The following KANK3 variants were observed in gnomAD, a reference collection of about 807,000 sequenced individuals.
The protein encoded by KANK3 is KN motif and ankyrin repeat domains 3, also known as KN motif and ankyrin repeat domain-containing protein 3.
Under a neutral mutation model 65.4 loss-of-function variants are expected in KANK3, and 61 were observed. The observed-to-expected ratio is 0.93, with a 90% CI of 0.76 to 1.15. The LOEUF (loss-of-function observed/expected upper bound fraction) is 1.15, where lower values mean the gene tolerates loss of function less well. Ranked by LOEUF, KANK3 falls within the 50% of genes most tolerant of loss-of-function variation. The probability of loss-of-function intolerance (pLI) is 0.00; values close to 1 mark genes in which losing one functional copy is unlikely to be tolerated. For missense variants in KANK3, 1,187 were observed against 1,178.8 expected (o/e 1.01, Z -0.10); for synonymous variants, 586 against 543.3 (o/e 1.08, Z -1.09).
At chr19:8,325,694 C>G (rs1970415462) in intron 7 of KANK3, among the ~76,000 whole-genome samples, 1 of 152,178 alleles carries the variant, frequency 6.6e-6, no homozygotes, top group Admixed American at 6.5e-5. Flanking sequence ...CATTTGTTGA[C>G]TGAATAATAA....
intron 7 of KANK3, among the ~76,000 whole-genome samples, chr19:8,328,649 G>A (rs1035453173): frequency 6.6e-6 from 1 of 152,084 alleles, no homozygotes; most frequent in Non-Finnish European, 1.5e-5. Context: ...TCCCCGCAAG[G>A]TCCAAGGATT....
intron 7 of KANK3, chr19:8,332,636 G>C (rs1260653589): frequency 6.5e-6 from 1 of 153,186 alleles, no homozygotes; most frequent in African/African-American, 2.4e-5. Context: ...GGCCAACATG[G>C]TGAAACCCCG....
At chr19:8,341,223 CTT>C (rs34406874) in intron 1 of KANK3, among the ~76,000 whole-genome samples, 292 of 138,628 alleles carry the variant, frequency 2.1e-3, no homozygotes, top group Middle Eastern at 3.8e-3. Flanking sequence ...TGGATATTTA[CTT>C]TTTTTTTTTT....
chr19:8,334,669 C>T lies in KANK3; in HGVS notation c.1158G>A (p.Ala386=), dbSNP rs1373359067. The change falls in exon 3 of 11, where the codon GCG becomes GCA. Residue 386 remains alanine (A), a synonymous_variant. Transcript: ENST00000330915. ...LRELEEAREA[A]EEAAAGARAQ... ...CCCGGGCCCCCGCCGCTGCCTCCTC[C>T]GCAGCCTCGCGGGCTTCCTCCAGCT... 1.3e-6 allele frequency: 2 copies of T among 1,537,514 alleles called. No individual in the cohort carries two copies. Among genetic ancestry groups the T allele is most frequent in the African/African-American group, 1.4e-5 (1 of 72,956 alleles).
chr19:8,329,518 A>C, intron 7 of KANK3, among the ~76,000 whole-genome samples: 1 of 145,084 alleles, frequency 6.9e-6, no homozygotes, highest in African/African-American at 2.6e-5. Flanking sequence ...AAAAAAAAAA[A>C]GACTAACTAT....
At chr19:8,327,782 G>C (rs1970454825) in intron 7 of KANK3, among the ~76,000 whole-genome samples, 1 of 152,162 alleles carries the variant, frequency 6.6e-6, no homozygotes, top group African/African-American at 2.4e-5. Flanking sequence ...TGTAAAAAGG[G>C]GTTGGGGGGA....
At chr19:8,338,311 C>T (rs34915321) in intron 1 of KANK3, among the ~76,000 whole-genome samples, 17,951 of 151,946 alleles carry the variant, frequency 0.12, 1,156 homozygotes, top group Middle Eastern at 0.21. Flanking sequence ...CATGAGCCAC[C>T]GTGCCTAGCC....
chr19:8,328,125 A>G lies in KANK3; in HGVS notation c.1937-3029T>C, dbSNP rs560720629. The stretch of plus-strand genomic sequence containing the variant: ...AGACCTCATCTCTACTAAAAATACA[A>G]AAATTAGCCGGGTGTGGTGGAGAAC... On this transcript the variant is annotated intron_variant, in intron 7 of 10. Coordinates refer to ENST00000330915, the MANE Select transcript of KANK3 (RefSeq NM_198471.3). 2.2e-4 allele frequency among the ~76,000 whole-genome samples: 34 copies of G among 152,224 alleles called. No individual in the cohort carries two copies. In the South Asian group the frequency reaches 2.9e-3, roughly 13 times the overall value.
rs377064503 is a variant in KANK3, at chr19:8,322,795, G to A, written c.*44C>T. Reference sequence around the variant, plus strand: ...CGCCAAAGGCTGAGGTGACTGACGAGGAGATCTCCCCACAGCTAGGTGTAG... The same window carrying A: ...CGCCAAAGGCTGAGGTGACTGACGAAGAGATCTCCCCACAGCTAGGTGTAG... On this transcript the variant is annotated 3_prime_UTR_variant, in exon 11 of 11. Coordinates refer to ENST00000330915, the MANE Select transcript of KANK3 (RefSeq NM_198471.3). The A allele has an allele frequency of 1.4e-6, 2 of 1,436,920 alleles. No individual in the cohort carries two copies. Among genetic ancestry groups the A allele is most frequent in the Admixed American group, 3.5e-5 (2 of 57,332 alleles). The allele number at this position is 1,436,920 out of a possible 1,614,324, so 89.0% of individuals were successfully genotyped here.
intron 1 of KANK3, among the ~76,000 whole-genome samples, chr19:8,341,503 C>T (rs1311037247): frequency 1.3e-5 from 2 of 151,976 alleles, no homozygotes; most frequent in Non-Finnish European, 2.9e-5. Context: ...CTCCGCCTCC[C>T]GGGTTCAAGT....
chr19:8,329,338 T>C (rs1970484293), intron 7 of KANK3, among the ~76,000 whole-genome samples: 1 of 150,216 alleles, frequency 6.7e-6, no homozygotes, highest in African/African-American at 2.5e-5. Flanking sequence ...AATACAAAAA[T>C]TAGCCGGGCA....
intron 1 of KANK3, among the ~76,000 whole-genome samples, chr19:8,339,754 GCT>G (rs1259560427): frequency 6.6e-6 from 1 of 151,862 alleles, no homozygotes; most frequent in African/African-American, 2.4e-5. Context: ...CAAGAGCGAA[GCT>G]CTGTCTCTAA....
At chr19:8,323,724 C>T (rs878855947) in intron 10 of KANK3, among the ~76,000 whole-genome samples, 1 of 152,172 alleles carries the variant, frequency 6.6e-6, no homozygotes, top group Non-Finnish European at 1.5e-5. Flanking sequence ...CAGAGGAAGA[C>T]TCCATCTCAA....
rs1394127538 is a variant in KANK3, at chr19:8,334,521, C to T, written c.1306G>A (p.Asp436Asn). 1 of 1,604,154 alleles carries T rather than the reference C, an allele frequency of 6.2e-7. No homozygotes were observed. The change falls in exon 3 of 11, where the codon GAC (aspartate) becomes AAC (asparagine). Residue 436 changes from aspartate to asparagine, a missense_variant. By Grantham distance (23) the Asp-to-Asn change is conservative. Coordinates refer to ENST00000330915, the MANE Select transcript of KANK3 (RefSeq NM_198471.3). ...TCACCCGCGGGCGCCACGGCCCTGT[C>T]TCCGTCCATGGATCCGGGCGAGCTC... ...QESSPGSMDG[D>N]RAVAPAGILK...
At chr19:8,342,021 G>A (rs1301560639) in intron 1 of KANK3, among the ~76,000 whole-genome samples, 1 of 151,498 alleles carries the variant, frequency 6.6e-6, no homozygotes, top group East Asian at 2.0e-4. Context: ...TTTTTGAGAC[G>A]GAGTCTCTGT....
At chr19:8,329,036 T>C (rs1222901834) in intron 7 of KANK3, among the ~76,000 whole-genome samples, 2 of 150,990 alleles carry the variant, frequency 1.3e-5, no homozygotes, top group African/African-American at 2.4e-5. Flanking sequence ...CCGGGCGTGG[T>C]GGCGGACACC....
chr19:8,334,507 C>A lies in KANK3; in HGVS notation c.1320G>T (p.Ala440=). ...PGSMDGDRAV[A]PAGILKSIMK... ...GACGGGGTCGGGACTCACCCGCGGG[C>A]GCCACGGCCCTGTCTCCGTCCATGG... The change falls in exon 3 of 11, where the codon GCG becomes GCT. Residue 440 remains alanine, a synonymous_variant. Coordinates refer to ENST00000330915, the MANE Select transcript of KANK3 (RefSeq NM_198471.3). The A allele has an allele frequency of 6.2e-7, 1 of 1,604,460 alleles. No homozygotes were observed.
rs918891435 is a variant in KANK3 at position 8,326,816 on chromosome 19, C to A, written c.1937-1720G>T. 4.7e-5 allele frequency among the ~76,000 whole-genome samples: 7 copies of A among 147,432 alleles called. No individual in the cohort carries two copies. The East Asian group carries it at 1.4e-3, about 29-fold the overall frequency. ...CATCTCTCAGAAAAAAAAAAAAAAA[C>A]CTGCCAACACCTTGATTTCAGAAGT... is the stretch of plus-strand genomic sequence containing the variant. On this transcript the variant is annotated intron_variant, in intron 7 of 10. Coordinates refer to ENST00000330915, the MANE Select transcript of KANK3 (RefSeq NM_198471.3).
chr19:8,336,911 G>A (rs559653277), intron 2 of KANK3, among the ~76,000 whole-genome samples: 2 of 152,222 alleles, frequency 1.3e-5, no homozygotes, highest in South Asian at 4.1e-4. Context: ...GCAGAGTAAA[G>A]AAGGCAGGGG....
Sources: allele counts gnomAD v4.1 joint callset (sites outside exome capture counted in the v4.1 genomes callset), GRCh38; gene constraint gnomAD v4.1.1; transcripts MANE v1.5; gene names NCBI Gene and HGNC (gene_info 2026-07-23, HGNC 2026-07-21).